Variants in CNIH3 observed in about 807,000 individuals in gnomAD.
CNIH3 encodes the protein protein cornichon homolog 3.
In CNIH3, 14 loss-of-function variants were observed where a neutral mutation model predicts 24.1. That is an observed-to-expected ratio of 0.58 (90% CI 0.38 to 0.91). The LOEUF (loss-of-function observed/expected upper bound fraction) is 0.91, where lower values mean the gene tolerates loss of function less well. Among genes scored for constraint, CNIH3 ranks in the 40% least tolerant of loss-of-function variants. CNIH3 has a pLI of 0.00. For synonymous variants in CNIH3, 68 were observed against 73.8 expected, an observed-to-expected ratio of 0.92 and a Z score of 0.40; for missense variants, 178 against 196.8, an observed-to-expected ratio of 0.90 and a Z score of 0.57.
chr1:224,603,711 TGAA>T (rs1682299757), intron 3 of CNIH3, among the ~76,000 whole-genome samples: 1 of 152,288 alleles, frequency 6.6e-6, no homozygotes, highest in African/African-American at 2.4e-5. Flanking sequence ...TATTTTGTAT[TGAA>T]GAAATAAAAA....
exon 1 of CNIH3, chr1:224,434,748 C>G: frequency 4.1e-6 from 4 of 987,102 alleles, no homozygotes; most frequent in Non-Finnish European, 4.8e-6. Context: ...CTCGGATCCG[C>G]TCCGCTCTGC....
chr1:224,676,516 G>T (rs1280565593), intron 1 of CNIH3, among the ~76,000 whole-genome samples: 2 of 152,240 alleles, frequency 1.3e-5, no homozygotes, highest in South Asian at 2.1e-4. Flanking sequence ...TTTTTAAAAC[G>T]GGTGAGATAT....
At chr1:224,597,087 G>T (rs148990083) in intron 3 of CNIH3, among the ~76,000 whole-genome samples, 1 of 152,082 alleles carries the variant, frequency 6.6e-6, no homozygotes, top group Non-Finnish European at 1.5e-5. Context: ...GAGAGGTGCA[G>T]GTTGCAGTGA....
At chr1:224,552,708 T>A (rs1679972350) in intron 3 of CNIH3, among the ~76,000 whole-genome samples, 1 of 151,418 alleles carries the variant, frequency 6.6e-6, no homozygotes, top group Admixed American at 6.6e-5. Context: ...GAGTAATGTA[T>A]CTCGCTTAGA....
At chr1:224,719,211 G>C (rs1272081438) in intron 3 of CNIH3, 6 of 152,244 alleles carry the variant, frequency 3.9e-5, no homozygotes, top group Non-Finnish European at 8.8e-5. Context: ...GACACACACA[G>C]ACAAACCAAT....
intron 1 of CNIH3, among the ~76,000 whole-genome samples, chr1:224,516,728 A>G (rs1379529934): frequency 6.6e-6 from 1 of 152,242 alleles, no homozygotes; most frequent in African/African-American, 2.4e-5. Context: ...GGCGCCTGCC[A>G]TGGACAGAAC....
intron 3 of CNIH3, among the ~76,000 whole-genome samples, chr1:224,725,355 G>T (rs983249953): frequency 1.3e-5 from 2 of 152,164 alleles, no homozygotes; most frequent in Admixed American, 1.3e-4. Context: ...TTTACAGATG[G>T]GTAAAATAAG....
At chr1:224,633,833 A>G (rs1683948453) in intron 1 of CNIH3, among the ~76,000 whole-genome samples, 1 of 152,266 alleles carries the variant, frequency 6.6e-6, no homozygotes. Context: ...AAAAAATGCC[A>G]GATAATCACT....
intron 1 of CNIH3, among the ~76,000 whole-genome samples, chr1:224,460,350 C>T (rs919524486): frequency 6.6e-6 from 1 of 152,154 alleles, no homozygotes; most frequent in Admixed American, 6.5e-5. Flanking sequence ...GGATCATATC[C>T]ATCACCCACA....
At chr1:224,592,835 G>C (rs148932154), downstream of CNIH3, among the ~76,000 whole-genome samples, 625 of 152,274 alleles carry the variant, frequency 4.1e-3, 10 homozygotes, top group Non-Finnish European at 4.1e-3. Flanking sequence ...TGCTTCTTAA[G>C]CAGTACTGTG....
chr1:224,647,010 A>G (rs1684637412), intron 1 of CNIH3, among the ~76,000 whole-genome samples: 1 of 152,154 alleles, frequency 6.6e-6, no homozygotes, highest in African/African-American at 2.4e-5. Flanking sequence ...TTTTTGAGAC[A>G]GAGTCTTGCT....
intron 3 of CNIH3, among the ~76,000 whole-genome samples, chr1:224,710,511 A>G (rs1218934003): frequency 6.6e-6 from 1 of 152,224 alleles, no homozygotes; most frequent in African/African-American, 2.4e-5. Context: ...TCTGGATCCC[A>G]GTTTTGGAGA....
intron 1 of CNIH3, among the ~76,000 whole-genome samples, chr1:224,636,885 C>CATCT (rs920479610): frequency 1.7e-4 from 26 of 151,752 alleles, no homozygotes; most frequent in African/African-American, 6.0e-4. Flanking sequence ...ATTTATCTAT[C>CATCT]ATCTATCTAT....
chr1:224,482,133 C>T (rs1013258350), intron 1 of CNIH3, among the ~76,000 whole-genome samples: 1 of 152,196 alleles, frequency 6.6e-6, no homozygotes, highest in African/African-American at 2.4e-5. Flanking sequence ...CCCTTCAGGG[C>T]AGTGGGTTCC....
At chr1:224,548,077 G>A (rs544681595) in intron 3 of CNIH3, among the ~76,000 whole-genome samples, 47 of 152,126 alleles carry the variant, frequency 3.1e-4, no homozygotes, top group Admixed American at 1.3e-3. Context: ...TAATATCACA[G>A]TGGGTGTACA....
intron 4 of CNIH3, among the ~76,000 whole-genome samples, chr1:224,569,355 T>A (rs1346368364): frequency 6.6e-6 from 1 of 152,226 alleles, no homozygotes; most frequent in South Asian, 2.1e-4. Context: ...TCACTGTAAT[T>A]AATTCCTATA....
intron 1 of CNIH3, among the ~76,000 whole-genome samples, chr1:224,474,799 G>A (rs886418725): frequency 7.2e-5 from 11 of 151,992 alleles, no homozygotes; most frequent in Non-Finnish European, 7.4e-5. Flanking sequence ...AGGCCAAGGC[G>A]GGCAGATCAC....
intron 1 of CNIH3, among the ~76,000 whole-genome samples, chr1:224,471,529 T>G (rs890602087): frequency 1.3e-5 from 2 of 152,172 alleles, no homozygotes; most frequent in African/African-American, 4.8e-5. Context: ...GCCTAGCTTA[T>G]TTCCTTAACA....
At chr1:224,688,784 G>A (rs183359708) in intron 3 of CNIH3, among the ~76,000 whole-genome samples, 89 of 151,434 alleles carry the variant, frequency 5.9e-4, no homozygotes, top group African/African-American at 2.1e-3. Context: ...AATTAGTCGG[G>A]CGTGGTGGTG....
Sources: gnomAD v4.1 joint callset for allele counts (sites outside exome capture counted in the v4.1 genomes callset) on GRCh38, gnomAD v4.1.1 for gene constraint, MANE v1.5 for transcripts, NCBI Gene and HGNC (gene_info 2026-07-23, HGNC 2026-07-21) for gene names.